The following MYO15A variants were observed in gnomAD, a reference collection of about 807,000 sequenced individuals.
MYO15A encodes the protein myosin XVA.
In MYO15A, 308 loss-of-function variants were observed where a neutral mutation model predicts 394.6. The observed-to-expected ratio is 0.78, with a 90% confidence interval of 0.71 to 0.86. MYO15A has a LOEUF of 0.86. Ranked by LOEUF, MYO15A falls within the 40% of genes least tolerant of loss-of-function variation. The pLI, the probability that MYO15A is intolerant of heterozygous loss-of-function variation, is 0.00. For missense variants in MYO15A, 4,606 were observed against 4,799.1 expected, an observed-to-expected ratio of 0.96 and a Z score of 1.19; for synonymous variants, 1,957 against 2,003.8, an observed-to-expected ratio of 0.98 and a Z score of 0.62.
intron 2 of MYO15A, chr17:18,123,825 CAG>C (rs2045983402): frequency 6.3e-6 from 1 of 157,504 alleles, no homozygotes; most frequent in East Asian, 1.8e-4. Context: ...ACCAGACCCC[CAG>C]CATAGGGAGG....
chr17:18,159,981 T>A lies in MYO15A; in HGVS notation c.9350T>A (p.Val3117Asp). ...EVMRDECYCQ[V>D]VKQITDNTSS... is the part of the protein sequence containing the mutation. Reference sequence around the variant, plus strand: ...ATGCGGGATGAATGTTACTGCCAAGTTGTGAAGCAGATCACAGACAATACC... The same window carrying A: ...ATGCGGGATGAATGTTACTGCCAAGATGTGAAGCAGATCACAGACAATACC... Residue 3117 changes from valine to aspartate, a missense_variant, in exon 56 of 66, where the codon GTT becomes GAT. Coordinates refer to ENST00000647165, the MANE Select transcript of MYO15A (RefSeq NM_016239.4). 2 of 1,613,792 alleles carry A rather than the reference T, an allele frequency of 1.2e-6. No homozygotes were observed. The highest frequency in any genetic ancestry group is 8.5e-7 in the Non-Finnish European group (1 of 1,180,004).
chr17:18,140,566 G>A lies in MYO15A; in HGVS notation c.5261G>A (p.Arg1754His), dbSNP rs544020493. The part of the protein sequence containing the change: ...SSHAPQAAPQ[R>H]LGKSSSVTRL... ...CATGCCCCACAGGCTGCCCCTCAGC[G>A]CCTGGGCAAGAGCAGCTCCGTCACT... The change falls in exon 20 of 66, where the codon CGC becomes CAC. Residue 1754 changes from arginine (R) to histidine (H), a missense_variant. By Grantham distance (29) the Arg-to-His change is conservative (BLOSUM62 0). Coordinates refer to ENST00000647165, the MANE Select transcript of MYO15A (RefSeq NM_016239.4). The A allele has an allele frequency of 1.8e-5, 29 of 1,613,676 alleles. No homozygotes were observed. The East Asian group carries it at 3.1e-4, about 17-fold the overall frequency.
intron 11 of MYO15A, 127 bp from the exon 12 acceptor site, chr17:18,133,098 T>G: frequency 3.2e-6 from 3 of 928,154 alleles, no homozygotes; most frequent in South Asian, 1.4e-5. Flanking sequence ...TCCGTGCCCA[T>G]GAGAGTGAAA....
rs1303754853 is a variant in MYO15A at position 18,135,817 on chromosome 17, A to G, written c.4589A>G (p.Lys1530Arg). The G allele has an allele frequency of 9.9e-6, 16 of 1,613,642 alleles. No homozygotes were observed. The East Asian group carries it at 3.6e-4, about 36-fold the overall frequency. The change falls in exon 13 of 66, where the codon AAA becomes AGA. Residue 1530 changes from lysine to arginine, a missense_variant. Lys to Arg is a conservative substitution (Grantham distance 26, BLOSUM62 2). Coordinates refer to ENST00000647165, the MANE Select transcript of MYO15A (RefSeq NM_016239.4). Reference sequence around the variant, plus strand: ...GGCCTGCAGAAGGCCATCACCTTCAAAGTGACCGTGAGTCTGTGGGCATCT... The same window carrying G: ...GGCCTGCAGAAGGCCATCACCTTCAGAGTGACCGTGAGTCTGTGGGCATCT... ...PEGLQKAITF[K>R]VTETMREKIF...
rs2046553642 is a variant in MYO15A at position 18,150,106 on chromosome 17, TACTC to T, written c.7213-318_7213-315del. The T allele has an allele frequency of 2.4e-6, 1 of 414,400 alleles. No individual in the cohort carries two copies. 25.7% of individuals were successfully genotyped at this position (414,400 alleles called of 1,614,324 possible). On this transcript the variant is annotated intron_variant, in intron 35 of 65. Transcript: ENST00000647165. The surrounding 1 kb of genome is among the most constrained non-coding windows in gnomAD (Gnocchi z 4.4). ...TCTCACGAGACCCCTCAGGTACCCT[TACTC>T]ACTCTGGAAACTCCAGAACCCACCC...
At position 18,119,147 on chromosome 17, in the gene MYO15A, GCTACGGCCGCCTGCGGCC is replaced by G; in HGVS notation, c.348_365del (p.Tyr117_Pro122del). 6.2e-7 allele frequency: 1 copy of G among 1,608,510 alleles called. No individual in the cohort carries two copies. On this transcript the variant is annotated inframe_deletion, in exon 2 of 66. Coordinates refer to ENST00000647165, the MANE Select transcript of MYO15A (RefSeq NM_016239.4). ...GTGATCCGCTTCCCAGGCCGCCGTGGCTACGGCCGCCTGCGGCCGCGCGCCCGGTCACTCAGCAAAGCG... is the reference window on the plus strand; with the variant it reads ...GTGATCCGCTTCCCAGGCCGCCGTGGGCGCGCCCGGTCACTCAGCAAAGCG...
chr17:18,151,620 C>T, intron 40 of MYO15A, 93 bp downstream of exon 40: 1 of 1,522,390 alleles, frequency 6.6e-7, no homozygotes, highest in South Asian at 1.1e-5. Flanking sequence ...AAGCGCCCTG[C>T]CCAGCTCCTG....
At chr17:18,167,487 G>A (rs933174975) in intron 61 of MYO15A, 103 bp from the exon 62 acceptor site, 4 of 1,558,422 alleles carry the variant, frequency 2.6e-6, no homozygotes, top group Middle Eastern at 1.7e-4. Context: ...CCCAGAAGAG[G>A]ATGGGGCTGC....
intron 40 of MYO15A, 94 bp from the exon 41 acceptor site, chr17:18,151,752 G>C: frequency 8.0e-7 from 1 of 1,250,954 alleles, no homozygotes; most frequent in Non-Finnish European, 1.1e-6. Context: ...AATGATAGGG[G>C]GTGGTGGAGG....
intron 29 of MYO15A, among the ~76,000 whole-genome samples, chr17:18,144,800 C>CAAAAA (rs35437143): frequency 3.4e-5 from 4 of 117,104 alleles, no homozygotes; most frequent in African/African-American, 1.3e-4. Flanking sequence ...ATCTTCCTGG[C>CAAAAA]AAAAAAAAAA....
rs372425620 is a variant in MYO15A at position 18,126,890 on chromosome 17, G to A, written c.3941+25G>A. On this transcript the variant is annotated intron_variant, in intron 6 of 65. Coordinates refer to ENST00000647165, the MANE Select transcript of MYO15A (RefSeq NM_016239.4). ...GGTGAGTGGGCTGCCTTTATGTGGG[G>A]GATAAATGGGGGACCTTAGGTAGCA... 1.9e-5 allele frequency: 31 copies of A among 1,613,084 alleles called. No homozygotes were observed. The African/African-American group carries it at 2.7e-4, about 14-fold the overall frequency.
At chr17:18,166,260 A>G in intron 60 of MYO15A, 101 bp from the exon 61 acceptor site, 1 of 1,509,674 alleles carries the variant, frequency 6.6e-7, no homozygotes, top group Admixed American at 1.7e-5. Context: ...GTGATACCTC[A>G]CCTGGGTAGC....
chr17:18,130,738 G>C, intron 7 of MYO15A, 67 bp from the exon 8 acceptor site: 1 of 1,610,208 alleles, frequency 6.2e-7, no homozygotes, highest in South Asian at 1.1e-5. Flanking sequence ...AGTGGTGGTC[G>C]GTCCTGCTAG....
At position 18,122,391 on chromosome 17, in the gene MYO15A, G is replaced by A. The variant is rs200222411; in HGVS notation, c.3591G>A (p.Pro1197=). 280 of 1,612,144 alleles carry A rather than the reference G, an allele frequency of 1.7e-4. 2 individuals carry two copies. Among genetic ancestry groups the A allele is most frequent in the Admixed American group, 1.8e-4 (11 of 59,920 alleles). The change falls in exon 2 of 66, where the codon CCG becomes CCA. Residue 1197 remains proline (P), a synonymous_variant. Transcript: ENST00000647165. ...SLRGSWEEVG[P]PSWRNKMHSI... Reference sequence around the variant, plus strand: ...GGGGCTCCTGGGAGGAGGTCGGCCCGCCAAGCTGGCGGAACAAGGTATGGA... The same window carrying A: ...GGGGCTCCTGGGAGGAGGTCGGCCCACCAAGCTGGCGGAACAAGGTATGGA...
intron 12 of MYO15A, among the ~76,000 whole-genome samples, chr17:18,135,219 G>A (rs1297312026): frequency 6.6e-6 from 1 of 152,106 alleles, no homozygotes; most frequent in East Asian, 1.9e-4. Context: ...CGCCCAGGCT[G>A]GAGTGTAATG....
intron 51 of MYO15A, 74 bp downstream of exon 51, chr17:18,157,974 TG>T (rs2046709716): frequency 1.2e-5 from 17 of 1,432,120 alleles, no homozygotes; most frequent in African/African-American, 1.5e-5. Flanking sequence ...GTGAGGCGAG[TG>T]GGGATAAGGT....
intron 7 of MYO15A, among the ~76,000 whole-genome samples, chr17:18,127,834 G>GATATAT (rs55650584): frequency 0.11 from 14,540 of 130,376 alleles, 938 homozygotes; most frequent in Non-Finnish European, 0.15. Flanking sequence ...GAAAAAAAAA[G>GATATAT]ATATATATAT....
chr17:18,124,500 C>T lies in MYO15A; in HGVS notation c.3627C>T (p.Asn1209=). ...SWRNKMHSIR[N]LPSMRFREQH... The stretch of plus-strand genomic sequence containing the variant: ...TCACACAGATGCACTCCATCCGCAA[C>T]CTGCCATCCATGCGGTTCCGTGAGC... Residue 1209 remains asparagine (N), a synonymous_variant, in exon 3 of 66, where the codon AAC becomes AAT. Transcript: ENST00000647165. 1 of 1,612,648 alleles carries T rather than the reference C, an allele frequency of 6.2e-7. No homozygotes were observed. Among genetic ancestry groups the T allele is most frequent in the Non-Finnish European group, 8.5e-7 (1 of 1,179,998 alleles).
At chr17:18,154,830 C>A (rs1361720326) in intron 45 of MYO15A, 75 bp downstream of exon 45, 2 of 1,504,812 alleles carry the variant, frequency 1.3e-6, no homozygotes, top group Non-Finnish European at 1.8e-6. Flanking sequence ...CAGAGGGAGA[C>A]TGAGGCTGAC....
Sources: allele counts gnomAD v4.1 joint callset (sites outside exome capture counted in the v4.1 genomes callset), GRCh38; gene constraint gnomAD v4.1.1; non-coding constraint Gnocchi (gnomAD v3.1); transcripts MANE v1.5; gene names NCBI Gene and HGNC (gene_info 2026-07-23, HGNC 2026-07-21).